The following LPP variants were observed in gnomAD, a reference collection of about 807,000 sequenced individuals.
LPP encodes LIM domain containing preferred translocation partner in lipoma, also known as lipoma-preferred partner.
LPP carries 38 observed loss-of-function variants against 60.4 expected under a neutral mutation model. The observed-to-expected ratio is 0.63, with a 90% CI of 0.49 to 0.83. The LOEUF is 0.83. LPP is among the 40% of genes least tolerant of loss of function. The pLI, the probability that LPP is intolerant of heterozygous loss-of-function variation, is 0.00. For missense variants in LPP, 902 were observed against 783.6 expected, an observed-to-expected ratio of 1.15 and a Z score of -1.80; for synonymous variants, 328 against 290.8, an observed-to-expected ratio of 1.13 and a Z score of -1.30.
Position 188,636,797 on chromosome 3 carries a change from C to G in LPP, c.1113+26953C>G, listed in dbSNP as rs556200664. Among the ~76,000 whole-genome samples the G allele has an allele frequency of 1.5e-4, 23 of 151,910 alleles. 1 individual carries two copies. In the East Asian group the frequency reaches 3.7e-3, roughly 24 times the overall value. On this transcript the variant is annotated intron_variant, in intron 7 of 11. Coordinates refer to ENST00000617246, the MANE Select transcript of LPP (RefSeq NM_001375462.1). Reference sequence around the variant, plus strand: ...TGGGAGGCACCCCCCTGCAGGGGCACGCTGACACCTCACACGGCAGGGTAT... The same window carrying G: ...TGGGAGGCACCCCCCTGCAGGGGCAGGCTGACACCTCACACGGCAGGGTAT...
At chr3:188,403,954 G>A (rs115625655) in intron 3 of LPP, among the ~76,000 whole-genome samples, 1 of 152,010 alleles carries the variant, frequency 6.6e-6, no homozygotes, top group Non-Finnish European at 1.5e-5. Context: ...GAAAAGAAAG[G>A]CCCTGTAACC....
chr3:188,724,064 G>T (rs1202837547), intron 8 of LPP, among the ~76,000 whole-genome samples: 1 of 152,044 alleles, frequency 6.6e-6, no homozygotes, highest in African/African-American at 2.4e-5. Context: ...TCTCACTAAT[G>T]ATTCTGCTTA....
At chr3:188,288,960 T>C (rs568833570) in intron 2 of LPP, among the ~76,000 whole-genome samples, 338 of 152,042 alleles carry the variant, frequency 2.2e-3, no homozygotes, top group Non-Finnish European at 4.0e-3. Context: ...TTTTAAAATA[T>C]GGAGATTGGG....
intron 3 of LPP, among the ~76,000 whole-genome samples, chr3:188,389,123 G>A (rs1047424362): frequency 6.6e-6 from 1 of 151,976 alleles, no homozygotes; most frequent in African/African-American, 2.4e-5. Flanking sequence ...GTGTGTGTAT[G>A]TATGTGTGTG....
intron 9 of LPP, among the ~76,000 whole-genome samples, chr3:188,862,712 C>CAAAAAAAAAAAAAAAAAA (rs140751676): frequency 4.0e-4 from 22 of 55,640 alleles, no homozygotes; most frequent in African/African-American, 7.4e-4. Context: ...CCCTACTAGA[C>CAAAAAAAAAAAAAAAAAA]AAAAAAATAA....
At chr3:188,344,586 C>G (rs1032183878) in intron 3 of LPP, among the ~76,000 whole-genome samples, 1 of 152,126 alleles carries the variant, frequency 6.6e-6, no homozygotes, top group African/African-American at 2.4e-5. Flanking sequence ...GATTTTATTT[C>G]CTAGCTAGTC....
At chr3:188,310,316 G>A (rs1752998223) in intron 2 of LPP, among the ~76,000 whole-genome samples, 1 of 151,402 alleles carries the variant, frequency 6.6e-6, no homozygotes, top group African/African-American at 2.4e-5. Flanking sequence ...GCAGTGATAT[G>A]AGGCAGGTGA....
At chr3:188,184,887 G>A (rs1560092278) in intron 1 of LPP, among the ~76,000 whole-genome samples, 1 of 152,028 alleles carries the variant, frequency 6.6e-6, no homozygotes, top group Non-Finnish European at 1.5e-5. Context: ...AAGGGGCAGT[G>A]CAGTGTCAGC....
intron 9 of LPP, among the ~76,000 whole-genome samples, chr3:188,812,573 A>C (rs1751308699): frequency 6.6e-6 from 1 of 152,210 alleles, no homozygotes; most frequent in Non-Finnish European, 1.5e-5. Flanking sequence ...CATATTGAGG[A>C]TGTTTTAAAG....
chr3:188,489,240 A>G (rs369330358), intron 5 of LPP, among the ~76,000 whole-genome samples: 2 of 152,208 alleles, frequency 1.3e-5, no homozygotes, highest in East Asian at 3.8e-4. Context: ...GAAGATGCAT[A>G]TACACAGTCA....
At chr3:188,679,390 C>A (rs912364593) in intron 7 of LPP, among the ~76,000 whole-genome samples, 1 of 151,894 alleles carries the variant, frequency 6.6e-6, no homozygotes, top group Admixed American at 6.6e-5. Context: ...CAATTTATGA[C>A]TCTGTCCTTT....
chr3:188,419,255 A>T (rs1239201557), intron 4 of LPP, among the ~76,000 whole-genome samples: 2 of 152,200 alleles, frequency 1.3e-5, no homozygotes, highest in Non-Finnish European at 2.9e-5. Flanking sequence ...TCTGTAGTGG[A>T]CAGGAAAAAG....
chr3:188,806,507 T>C (rs1749188564), intron 9 of LPP, among the ~76,000 whole-genome samples: 1 of 151,948 alleles, frequency 6.6e-6, no homozygotes, highest in African/African-American at 2.4e-5. Context: ...TTTGACCATC[T>C]GTATTTTAAT....
Position 188,378,373 on chromosome 3 carries a change from C to A in LPP, c.-9-27739C>A, listed in dbSNP as rs1188454556. Among the ~76,000 whole-genome samples the A allele has an allele frequency of 9.2e-5, 14 of 152,222 alleles. 1 individual carries two copies. The highest frequency in any genetic ancestry group is 4.4e-5 in the Non-Finnish European group (3 of 68,046). ...GCTCCACCGAGTTCAAGCTTCCTGG[C>A]CGCTTTGTTTACCTAATCAAACAAC... On this transcript the variant is annotated intron_variant, in intron 3 of 11. Transcript: ENST00000617246.
intron 2 of LPP, among the ~76,000 whole-genome samples, chr3:188,305,753 G>A (rs1397673497): frequency 6.6e-6 from 1 of 152,188 alleles, no homozygotes; most frequent in Non-Finnish European, 1.5e-5. Flanking sequence ...GAAACACACA[G>A]CGACCGAAAG....
intron 2 of LPP, among the ~76,000 whole-genome samples, chr3:188,227,956 G>A (rs979366898): frequency 3.3e-5 from 5 of 152,214 alleles, no homozygotes; most frequent in African/African-American, 1.2e-4. Flanking sequence ...GTGGAGAAGA[G>A]GTGGCCCCGC....
intron 2 of LPP, among the ~76,000 whole-genome samples, chr3:188,308,267 C>T (rs939421179): frequency 1.3e-5 from 2 of 152,054 alleles, no homozygotes; most frequent in Non-Finnish European, 2.9e-5. Flanking sequence ...ACACTATGGG[C>T]TGTGATATGC....
intron 9 of LPP, among the ~76,000 whole-genome samples, chr3:188,820,955 A>G (rs1005264673): frequency 6.6e-6 from 1 of 152,148 alleles, no homozygotes; most frequent in African/African-American, 2.4e-5. Flanking sequence ...TCGTTTACAT[A>G]TACGAGATGA....
At chr3:188,507,268 G>C (rs1389738365) in intron 5 of LPP, among the ~76,000 whole-genome samples, 1 of 152,062 alleles carries the variant, frequency 6.6e-6, no homozygotes, top group Non-Finnish European at 1.5e-5. Context: ...AGCATGCAAA[G>C]GGTTCATTGT....
Sources: allele counts gnomAD v4.1 joint callset (sites outside exome capture counted in the v4.1 genomes callset), GRCh38; gene constraint gnomAD v4.1.1; transcripts MANE v1.5; gene names NCBI Gene and HGNC (gene_info 2026-07-23, HGNC 2026-07-21).